SPMIP8: variants seen among roughly 807,000 people sequenced by gnomAD.
SPMIP8 encodes sperm microtubule inner protein 8.
chr16:57,984,721 A>G, the SPMIP8 span: 1 of 1,602,122 alleles, frequency 6.2e-7, no homozygotes, highest in East Asian at 2.2e-5. Context: ...AACCGAGTGG[A>G]CTGGCCCTGC....
chr16:57,981,248 G>A, the SPMIP8 span, among the ~76,000 whole-genome samples: 11 of 151,450 alleles, frequency 7.3e-5, no homozygotes, highest in African/African-American at 2.4e-4. Context: ...AGGTGTGGTA[G>A]TGTGTGCTTG....
chr16:57,981,606 G>A, the SPMIP8 span, among the ~76,000 whole-genome samples: 1 of 137,890 alleles, frequency 7.3e-6, no homozygotes, highest in Non-Finnish European at 1.5e-5. Context: ...CCGCCTCCCC[G>A]GTTCAAGTGA....
At chr16:57,977,560 A>AGTGTGTGTGTGT in the SPMIP8 span, among the ~76,000 whole-genome samples, 741 of 132,684 alleles carry the variant, frequency 5.6e-3, 15 homozygotes, top group African/African-American at 0.012. Context: ...GCACAATGTG[A>AGTGTGTGTGTGT]GTGTGTGTGT....
the SPMIP8 span, chr16:57,984,215 TTAAAG>T: frequency 7.0e-7 from 1 of 1,424,736 alleles, no homozygotes; most frequent in Non-Finnish European, 9.9e-7. Context: ...CAAAAAATTT[TTAAAG>T]TACAGTGTGG....
At chr16:57,987,453 G>T in the SPMIP8 span, 1 of 1,580,202 alleles carries the variant, frequency 6.3e-7, no homozygotes, top group Non-Finnish European at 8.6e-7. Context: ...TGACTCCCAG[G>T]CTGCCGGACG....
the SPMIP8 span, chr16:57,976,676 C>G: frequency 6.2e-7 from 1 of 1,605,696 alleles, no homozygotes; most frequent in Non-Finnish European, 8.5e-7. Flanking sequence ...TCCCCATATC[C>G]GTGATCCCCC....
chr16:57,978,104 A>G, the SPMIP8 span: 4 of 1,521,580 alleles, frequency 2.6e-6, no homozygotes, highest in African/African-American at 1.4e-5. Flanking sequence ...AGAGGGAGAC[A>G]GATGCAAGGA....
At chr16:57,979,978 C>T in the SPMIP8 span, among the ~76,000 whole-genome samples, 2 of 152,168 alleles carry the variant, frequency 1.3e-5, no homozygotes, top group Admixed American at 1.3e-4. Flanking sequence ...GCAGGAGAAT[C>T]ACCTGAACCC....
At chr16:57,980,475 T>C in the SPMIP8 span, among the ~76,000 whole-genome samples, 29 of 152,312 alleles carry the variant, frequency 1.9e-4, no homozygotes, top group Admixed American at 9.1e-4. Flanking sequence ...CCATGGTTGG[T>C]GGTCTTCTTA....
chr16:57,985,655 A>G, the SPMIP8 span: 3 of 1,442,106 alleles, frequency 2.1e-6, no homozygotes, highest in Non-Finnish European at 2.8e-6. Flanking sequence ...GAGAACTGGG[A>G]AAAATTGGCT....
chr16:57,976,650 G>A, the SPMIP8 span: 4 of 1,612,536 alleles, frequency 2.5e-6, no homozygotes, highest in South Asian at 4.4e-5. Context: ...TCAGAAGCAG[G>A]GAGCCCTTGC....
At chr16:57,984,446 G>A in the SPMIP8 span, 30 of 1,575,088 alleles carry the variant, frequency 1.9e-5, no homozygotes, top group Admixed American at 1.5e-4. Context: ...TACACCCCGC[G>A]CACCTTCTCA....
the SPMIP8 span, chr16:57,985,375 C>T: frequency 1.0e-5 from 16 of 1,597,546 alleles, no homozygotes; most frequent in Admixed American, 2.6e-4. Flanking sequence ...GCAGGGCCTC[C>T]CAGTCTTCAG....
the SPMIP8 span, chr16:57,987,591 G>A: frequency 1.3e-6 from 1 of 766,534 alleles, no homozygotes; most frequent in Non-Finnish European, 1.9e-6. Context: ...CTCTGTCTGT[G>A]TGTGTTGCAC....
the SPMIP8 span, chr16:57,985,347 G>C: frequency 1.9e-6 from 3 of 1,572,726 alleles, no homozygotes; most frequent in African/African-American, 1.4e-5. Context: ...CGGGGGTTGA[G>C]GGGGGAGGAG....
the SPMIP8 span, among the ~76,000 whole-genome samples, chr16:57,980,385 T>G: frequency 4.6e-5 from 7 of 152,246 alleles, no homozygotes; most frequent in African/African-American, 1.7e-4. Flanking sequence ...GTATTACAAT[T>G]AGTCCCTATA....
At chr16:57,985,429 G>A in the SPMIP8 span, 24 of 1,613,288 alleles carry the variant, frequency 1.5e-5, no homozygotes, top group Non-Finnish European at 1.9e-5. Flanking sequence ...GCGTGGGCAG[G>A]GCGTCCGTGC....
chr16:57,984,127 C>T, the SPMIP8 span, among the ~76,000 whole-genome samples: 1 of 152,098 alleles, frequency 6.6e-6, no homozygotes, highest in Non-Finnish European at 1.5e-5. Context: ...TGGTCTGGAA[C>T]TCCTGACCTT....
At chr16:57,980,889 GTT>G in the SPMIP8 span, among the ~76,000 whole-genome samples, 1 of 152,080 alleles carries the variant, frequency 6.6e-6, no homozygotes, top group African/African-American at 2.4e-5. Flanking sequence ...TTGTTTGTTT[GTT>G]TTGTGTGGAG....
Sources: allele counts gnomAD v4.1 joint callset (sites outside exome capture counted in the v4.1 genomes callset), GRCh38; gene constraint gnomAD v4.1.1; transcripts MANE v1.5; gene names NCBI Gene and HGNC (gene_info 2026-07-23, HGNC 2026-07-21).